Variants in RBFOX1 observed in about 807,000 individuals in gnomAD.
RBFOX1 encodes the protein RNA binding protein fox-1 homolog 1.
Under a neutral mutation model 57.7 loss-of-function variants are expected in RBFOX1, and 8 were observed. That is an observed-to-expected ratio of 0.14 (90% CI 0.08 to 0.25). RBFOX1 has a LOEUF of 0.25. Ranked by LOEUF, RBFOX1 falls within the 10% of genes least tolerant of loss-of-function variation. The probability of loss-of-function intolerance (pLI) is 1.00; values close to 1 mark genes in which losing one functional copy is unlikely to be tolerated. For missense variants in RBFOX1, 611 were observed against 548.5 expected (o/e 1.11, Z -1.14); for synonymous variants, 326 against 222.4 (o/e 1.47, Z -4.15).
chr16:5,331,542 C>T (rs1003394635), intron 1 of RBFOX1, among the ~76,000 whole-genome samples: 1 of 152,232 alleles, frequency 6.6e-6, no homozygotes, highest in Non-Finnish European at 1.5e-5. Flanking sequence ...AGGGTAATGG[C>T]AGAGCACACT....
At chr16:5,242,485 G>C (rs1184241754) in intron 1 of RBFOX1, among the ~76,000 whole-genome samples, 1 of 152,160 alleles carries the variant, frequency 6.6e-6, no homozygotes, top group African/African-American at 2.4e-5. Context: ...TTCCTTTTTA[G>C]TTTCTATGGG....
At chr16:7,604,251 G>T (rs964983747) in intron 9 of RBFOX1, among the ~76,000 whole-genome samples, 5 of 152,168 alleles carry the variant, frequency 3.3e-5, no homozygotes, top group African/African-American at 1.2e-4. Flanking sequence ...CATTCCCATC[G>T]CAGAGTTCAG....
chr16:7,333,053 G>C, intron 4 of RBFOX1: 1 of 1,613,908 alleles, frequency 6.2e-7, no homozygotes, highest in Non-Finnish European at 8.5e-7. Flanking sequence ...GCCTATGATT[G>C]TACCGGCAGC....
At chr16:7,668,646 C>T in intron 13 of RBFOX1, among the ~76,000 whole-genome samples, 1 of 147,028 alleles carries the variant, frequency 6.8e-6, no homozygotes, top group East Asian at 2.1e-4. Flanking sequence ...TCCCTTCTAC[C>T]TGAGAACAGA....
intron 4 of RBFOX1, among the ~76,000 whole-genome samples, chr16:7,504,729 A>ATATATATATT (rs2072293882): frequency 4.2e-4 from 3 of 7,120 alleles, no homozygotes; most frequent in Non-Finnish European, 1.3e-3. Flanking sequence ...ATATATATAT[A>ATATATATATT]TATATATATA....
At chr16:5,668,830 G>C (rs1291602058) in intron 3 of RBFOX1, among the ~76,000 whole-genome samples, 2 of 152,102 alleles carry the variant, frequency 1.3e-5, no homozygotes, top group African/African-American at 4.8e-5. Context: ...TTGCTGGAGA[G>C]GTGGTGGGTG....
chr16:5,283,981 C>T (rs1281140410), intron 1 of RBFOX1, among the ~76,000 whole-genome samples: 4 of 152,114 alleles, frequency 2.6e-5, no homozygotes, highest in Non-Finnish European at 5.9e-5. Flanking sequence ...CTTGAATTCC[C>T]ACATGTTATT....
At chr16:6,860,147 A>G (rs960661680) in intron 3 of RBFOX1, among the ~76,000 whole-genome samples, 2 of 150,486 alleles carry the variant, frequency 1.3e-5, no homozygotes, top group African/African-American at 2.5e-5. Context: ...CTTTCCTGGC[A>G]TATGTTTTTC....
intron 3 of RBFOX1, among the ~76,000 whole-genome samples, chr16:5,719,983 C>T (rs1198653109): frequency 6.6e-6 from 1 of 152,052 alleles, no homozygotes; most frequent in Non-Finnish European, 1.5e-5. Context: ...TTTGAGGAAC[C>T]ACCAATCTGT....
chr16:5,796,360 G>C (rs1458921614), intron 3 of RBFOX1, among the ~76,000 whole-genome samples: 1 of 152,188 alleles, frequency 6.6e-6, no homozygotes, highest in Non-Finnish European at 1.5e-5. Flanking sequence ...GGAATGAGTT[G>C]CTCAATCCAG....
At chr16:7,138,032 A>T (rs1005170793) in intron 4 of RBFOX1, among the ~76,000 whole-genome samples, 3 of 152,176 alleles carry the variant, frequency 2.0e-5, no homozygotes, top group African/African-American at 7.2e-5. Flanking sequence ...GACACAGCAG[A>T]GGAGCTGGAA....
At chr16:7,135,732 G>A (rs1321720060) in intron 4 of RBFOX1, among the ~76,000 whole-genome samples, 1 of 152,178 alleles carries the variant, frequency 6.6e-6, no homozygotes, top group African/African-American at 2.4e-5. Flanking sequence ...ATTTAACCCT[G>A]TCTTCCTCCT....
chr16:6,123,254 A>G (rs1450127607), intron 1 of RBFOX1, among the ~76,000 whole-genome samples: 2 of 152,204 alleles, frequency 1.3e-5, no homozygotes, highest in Non-Finnish European at 2.9e-5. Flanking sequence ...AACAACCCAA[A>G]TGTCCATCCA....
chr16:7,274,976 A>C (rs997013781), intron 4 of RBFOX1, among the ~76,000 whole-genome samples: 1 of 152,186 alleles, frequency 6.6e-6, no homozygotes, highest in East Asian at 1.9e-4. Context: ...GAGTCACTGC[A>C]CCTGCCCAAA....
chr16:7,052,757 A>C (rs964481349), intron 4 of RBFOX1, among the ~76,000 whole-genome samples: 4 of 152,162 alleles, frequency 2.6e-5, no homozygotes, highest in African/African-American at 9.7e-5. Flanking sequence ...CAGAGTGGAC[A>C]TTCTTCTTGG....
intron 3 of RBFOX1, among the ~76,000 whole-genome samples, chr16:6,985,852 A>AAAAAAAT (rs1555718884): frequency 7.4e-6 from 1 of 135,722 alleles, no homozygotes; most frequent in Non-Finnish European, 1.6e-5. Flanking sequence ...AAAAAACAGA[A>AAAAAAAT]TTTTTTTTTC....
chr16:5,753,716 G>C (rs1431649656), intron 3 of RBFOX1, among the ~76,000 whole-genome samples: 1 of 152,172 alleles, frequency 6.6e-6, no homozygotes, highest in East Asian at 1.9e-4. Flanking sequence ...TCTGTCCCCA[G>C]AAAGTTGGTT....
chr16:7,187,706 A>G (rs1441303857), intron 4 of RBFOX1, among the ~76,000 whole-genome samples: 2 of 93,252 alleles, frequency 2.1e-5, no homozygotes, highest in African/African-American at 7.8e-5. Context: ...AAAAAAAAAA[A>G]AAAAAAAAAA....
chr16:6,458,622 G>A (rs955389657), intron 2 of RBFOX1, among the ~76,000 whole-genome samples: 4 of 152,152 alleles, frequency 2.6e-5, no homozygotes, highest in Non-Finnish European at 4.4e-5. Flanking sequence ...TTCCTAAGTT[G>A]ATCAAACTCT....
Sources: gnomAD v4.1 joint callset for allele counts (sites outside exome capture counted in the v4.1 genomes callset) on GRCh38, gnomAD v4.1.1 for gene constraint, MANE v1.5 for transcripts, NCBI Gene and HGNC (gene_info 2026-07-23, HGNC 2026-07-21) for gene names.